Variants in OBI1 observed in about 807,000 individuals in gnomAD.
OBI1 encodes the protein ORC ubiquitin ligase 1.
A neutral mutation model predicts 62.4 loss-of-function variants in OBI1; 59 were observed. The ratio of observed to expected loss-of-function variants is 0.95; its 90% confidence interval spans 0.77 to 1.17. The LOEUF (loss-of-function observed/expected upper bound fraction) is 1.17, where lower values mean the gene tolerates loss of function less well. OBI1 is among the 50% of genes most tolerant of loss of function. The pLI is 0.00. For synonymous variants in OBI1, 302 were observed against 292.8 expected, an observed-to-expected ratio of 1.03 and a Z score of -0.32; for missense variants, 875 against 830.9, an observed-to-expected ratio of 1.05 and a Z score of -0.65.
At chr13:78,622,258 CATA>C (rs1171876175) in intron 5 of OBI1, among the ~76,000 whole-genome samples, 52 of 151,802 alleles carry the variant, frequency 3.4e-4, no homozygotes, top group Admixed American at 3.4e-3. Flanking sequence ...GCCTAGGCGA[CATA>C]ATGAGATCAT....
intron 1 of OBI1, among the ~76,000 whole-genome samples, chr13:78,649,206 G>A (rs1377867854): frequency 2.6e-5 from 4 of 152,158 alleles, no homozygotes; most frequent in African/African-American, 9.7e-5. Context: ...TAGGACTGGA[G>A]GAGATCTCAT....
chr13:78,647,940 T>A (rs77699404), intron 1 of OBI1, among the ~76,000 whole-genome samples: 14,094 of 152,034 alleles, frequency 0.093, 731 homozygotes, highest in Middle Eastern at 0.15. Context: ...TTGGAGAAAC[T>A]TAATTCTAAG....
At chr13:78,628,837 G>C (rs536609629) in intron 5 of OBI1, among the ~76,000 whole-genome samples, 4 of 152,050 alleles carry the variant, frequency 2.6e-5, no homozygotes, top group Admixed American at 2.6e-4. Flanking sequence ...GTTAATTTGA[G>C]GTATAGAATC....
At chr13:78,619,330 T>TA (rs1491438785) in intron 5 of OBI1, among the ~76,000 whole-genome samples, 601 of 47,798 alleles carry the variant, frequency 0.013, 6 homozygotes, top group African/African-American at 0.11. Context: ...TCTCTATATA[T>TA]TTTTTTTTTT....
At chr13:78,652,198 A>G (rs578162836) in intron 1 of OBI1, among the ~76,000 whole-genome samples, 47 of 152,252 alleles carry the variant, frequency 3.1e-4, no homozygotes, top group African/African-American at 1.1e-3. Context: ...TCAGATGATG[A>G]TTTCTAGACA....
intron 1 of OBI1, among the ~76,000 whole-genome samples, chr13:78,652,330 T>C (rs975998119): frequency 5.3e-5 from 8 of 151,986 alleles, no homozygotes; most frequent in Admixed American, 3.9e-4. Flanking sequence ...CCCATCCTCT[T>C]CTACCCAGAT....
intron 5 of OBI1, among the ~76,000 whole-genome samples, chr13:78,625,880 A>T (rs1000105031): frequency 6.6e-6 from 1 of 152,234 alleles, no homozygotes; most frequent in Non-Finnish European, 1.5e-5. Flanking sequence ...GAATCGTGAT[A>T]AACAAAAAAG....
chr13:78,620,213 A>G (rs2137428784), intron 5 of OBI1, among the ~76,000 whole-genome samples: 1 of 152,346 alleles, frequency 6.6e-6, no homozygotes, highest in African/African-American at 2.4e-5. Context: ...ACAATTAGGG[A>G]TAAGTATCTG....
At chr13:78,627,029 G>A (rs1416122076) in intron 5 of OBI1, among the ~76,000 whole-genome samples, 10 of 152,302 alleles carry the variant, frequency 6.6e-5, no homozygotes, top group African/African-American at 2.4e-4. Context: ...TGGTGCCACT[G>A]CACTCCAGCC....
At chr13:78,624,561 A>C (rs781179162) in intron 5 of OBI1, among the ~76,000 whole-genome samples, 3 of 152,188 alleles carry the variant, frequency 2.0e-5, no homozygotes, top group Non-Finnish European at 2.9e-5. Flanking sequence ...CAAAATTTTA[A>C]AGGAAATTCT....
chr13:78,652,440 C>T (rs565398260), intron 1 of OBI1, among the ~76,000 whole-genome samples: 2 of 151,644 alleles, frequency 1.3e-5, no homozygotes, highest in Non-Finnish European at 2.9e-5. Flanking sequence ...ATTAGACTTT[C>T]TATCCAATTT....
chr13:78,631,222 A>C (rs1875838277), intron 5 of OBI1, among the ~76,000 whole-genome samples: 2 of 152,148 alleles, frequency 1.3e-5, no homozygotes, highest in Non-Finnish European at 2.9e-5. Context: ...AGAATCCTAT[A>C]AAATGCAGTG....
At chr13:78,618,924 G>C (rs554445756) in intron 5 of OBI1, among the ~76,000 whole-genome samples, 101 of 152,152 alleles carry the variant, frequency 6.6e-4, no homozygotes, top group Non-Finnish European at 4.4e-4. Context: ...AGTACATTAA[G>C]TACAAATGTT....
intron 5 of OBI1, among the ~76,000 whole-genome samples, chr13:78,622,033 T>C (rs1271146739): frequency 6.6e-6 from 1 of 152,272 alleles, no homozygotes; most frequent in African/African-American, 2.4e-5. Context: ...AATATCAATG[T>C]ACTAAATATT....
intron 5 of OBI1, among the ~76,000 whole-genome samples, chr13:78,618,214 A>C (rs1265174032): frequency 6.6e-6 from 1 of 152,150 alleles, no homozygotes; most frequent in Non-Finnish European, 1.5e-5. Flanking sequence ...GCCTATTCTT[A>C]ATCATCTTTT....
Position 78,627,237 on chromosome 13 carries a change from A to C in OBI1, c.638+7873T>G, listed in dbSNP as rs555705380. 6.7e-5 allele frequency among the ~76,000 whole-genome samples: 10 copies of C among 149,288 alleles called. No homozygotes were observed. The East Asian group carries it at 2.1e-3, about 31-fold the overall frequency. ...GAACAAAGCGGATCTTTTGCATGGG[A>C]TGGGGGATTATGAATATGATTTTTT... On this transcript the variant is annotated intron_variant, in intron 5 of 5. Transcript: ENST00000282003.
intron 1 of OBI1, among the ~76,000 whole-genome samples, chr13:78,655,777 A>T (rs1876682366): frequency 1.3e-5 from 2 of 152,196 alleles, no homozygotes; most frequent in Admixed American, 6.5e-5. Flanking sequence ...AATTATCTTT[A>T]AAAAAGAGCT....
intron 1 of OBI1, among the ~76,000 whole-genome samples, chr13:78,657,677 G>A (rs1304412738): frequency 6.6e-6 from 1 of 152,128 alleles, no homozygotes; most frequent in Non-Finnish European, 1.5e-5. Flanking sequence ...TATAACTAAT[G>A]GAAACTATAT....
intron 5 of OBI1, among the ~76,000 whole-genome samples, chr13:78,618,955 T>A (rs1875417834): frequency 6.6e-6 from 1 of 152,194 alleles, no homozygotes; most frequent in Non-Finnish European, 1.5e-5. Context: ...TGATTGTAAC[T>A]ACTCTGGCAT....
Sources: allele counts gnomAD v4.1 joint callset (sites outside exome capture counted in the v4.1 genomes callset), GRCh38; gene constraint gnomAD v4.1.1; transcripts MANE v1.5; gene names NCBI Gene and HGNC (gene_info 2026-07-23, HGNC 2026-07-21).